CYP11A1: variants seen among roughly 807,000 people sequenced by gnomAD.
CYP11A1 encodes cholesterol side-chain cleavage enzyme, mitochondrial.
In CYP11A1, 25 loss-of-function variants were observed where a neutral mutation model predicts 51.9. The observed-to-expected ratio is 0.48, with a 90% CI of 0.35 to 0.67. The LOEUF is 0.67. CYP11A1 is among the 30% of genes least tolerant of loss of function. The pLI, the probability that CYP11A1 is intolerant of heterozygous loss-of-function variation, is 0.00. For missense variants in CYP11A1, 578 were observed against 680.9 expected (o/e 0.85, Z 1.68); for synonymous variants, 245 against 262.1 (o/e 0.93, Z 0.63).
intron 1 of CYP11A1, among the ~76,000 whole-genome samples, chr15:74,353,903 C>T (rs367767568): frequency 7.2e-5 from 11 of 152,256 alleles, no homozygotes; most frequent in African/African-American, 2.6e-4. Context: ...CTTTGTTGGG[C>T]CTGCAGGAAT....
chr15:74,349,059 C>T (rs1408750544), intron 1 of CYP11A1, among the ~76,000 whole-genome samples: 1 of 152,084 alleles, frequency 6.6e-6, no homozygotes, highest in Non-Finnish European at 1.5e-5. Flanking sequence ...GGTGTTCTTA[C>T]ATGAAGAGAT....
At position 74,339,574 on chromosome 15, in the gene CYP11A1, G is replaced by A. The variant is rs1403927711; in HGVS notation, c.1157+13C>T. ...ATTGGAGTTGGGGGCGGCATGGGTG[G>A]TTGTGGGCTTGCCTTAGTGTCTCCT... On this transcript the variant is annotated intron_variant, in intron 6 of 8. Coordinates refer to ENST00000268053, the MANE Select transcript of CYP11A1 (RefSeq NM_000781.3). 6.2e-7 allele frequency: 1 copy of A among 1,612,110 alleles called. No individual in the cohort carries two copies. Among genetic ancestry groups the A allele is most frequent in the Non-Finnish European group, 8.5e-7 (1 of 1,178,486 alleles).
intron 5 of CYP11A1, among the ~76,000 whole-genome samples, chr15:74,341,231 T>C (rs1049627870): frequency 2.6e-5 from 4 of 152,166 alleles, no homozygotes; most frequent in Non-Finnish European, 2.9e-5. Flanking sequence ...GCCTGCCATA[T>C]AGTATGTGCT....
At chr15:74,349,707 C>T (rs1252623577) in intron 1 of CYP11A1, among the ~76,000 whole-genome samples, 2 of 151,854 alleles carry the variant, frequency 1.3e-5, no homozygotes, top group Non-Finnish European at 2.9e-5. Context: ...GCAAAAAAGT[C>T]AAGAGTAGGT....
intron 5 of CYP11A1, 64 bp downstream of exon 5, chr15:74,342,912 GC>G (rs764326020): frequency 1.3e-6 from 2 of 1,541,340 alleles, no homozygotes; most frequent in Non-Finnish European, 1.8e-6. Flanking sequence ...ACAACGAGGG[GC>G]CTGGTGGGGA....
chr15:74,338,239 T>A, intron 8 of CYP11A1, 136 bp from the exon 9 acceptor site: 1 of 1,019,826 alleles, frequency 9.8e-7, no homozygotes, highest in Non-Finnish European at 1.5e-6. Flanking sequence ...GCTCCTGGTG[T>A]AACCCTGCAC....
At chr15:74,353,910 G>A (rs1317012249) in intron 1 of CYP11A1, among the ~76,000 whole-genome samples, 1 of 152,140 alleles carries the variant, frequency 6.6e-6, no homozygotes, top group African/African-American at 2.4e-5. Flanking sequence ...GGGCCTGCAG[G>A]AATTAATGGA....
chr15:74,345,318 GT>G lies in CYP11A1; in HGVS notation c.426-76del. 6.5e-7 allele frequency: 1 copy of G among 1,536,552 alleles called. No homozygotes were observed. Among genetic ancestry groups the G allele is most frequent in the Non-Finnish European group, 9.0e-7 (1 of 1,116,808 alleles). On this transcript the variant is annotated intron_variant, in intron 2 of 8. Coordinates refer to ENST00000268053, the MANE Select transcript of CYP11A1 (RefSeq NM_000781.3). The surrounding 1 kb of genome is among the most constrained non-coding windows in gnomAD (Gnocchi z 4.3). ...GGTGAACACAGAGGGGGCTGACTCA[GT>G]TTTCCCAGGAAGCTGAGTCACAGCT...
chr15:74,354,424 C>T (rs1567055800), intron 1 of CYP11A1: 1 of 151,944 alleles, frequency 6.6e-6, no homozygotes, highest in Non-Finnish European at 1.5e-5. Context: ...AGCCCCACCC[C>T]TATCTCCTTT....
At chr15:74,361,374 C>G (rs1379954756) in intron 1 of CYP11A1, 1 of 245,444 alleles carries the variant, frequency 4.1e-6, no homozygotes, top group Non-Finnish European at 8.0e-6. Flanking sequence ...ACAAAAATGA[C>G]CAAATTTTCT....
chr15:74,366,953 T>G (rs1445835527), intron 1 of CYP11A1: 14 of 278,918 alleles, frequency 5.0e-5, no homozygotes, highest in Non-Finnish European at 9.0e-5. Flanking sequence ...TGATCTCAAG[T>G]GATCCGCCCA....
intron 2 of CYP11A1, among the ~76,000 whole-genome samples, chr15:74,347,280 G>A (rs530994495): frequency 3.7e-4 from 56 of 152,214 alleles, no homozygotes; most frequent in African/African-American, 1.2e-3. Context: ...GTGGTGACAC[G>A]CACCTGTAAT....
chr15:74,342,683 C>T (rs2060612592), intron 5 of CYP11A1, among the ~76,000 whole-genome samples: 1 of 152,162 alleles, frequency 6.6e-6, no homozygotes, highest in Admixed American at 6.5e-5. Context: ...CCAGAGGGGA[C>T]CTCCTCCTGT....
chr15:74,350,013 C>G (rs372240942), intron 1 of CYP11A1, among the ~76,000 whole-genome samples: 1 of 152,042 alleles, frequency 6.6e-6, no homozygotes, highest in East Asian at 1.9e-4. Context: ...ATAAACGAAA[C>G]GAGATCTTTC....
chr15:74,340,104 T>A (rs1165346804), intron 5 of CYP11A1, among the ~76,000 whole-genome samples: 1 of 152,214 alleles, frequency 6.6e-6, no homozygotes, highest in Non-Finnish European at 1.5e-5. Flanking sequence ...GGCCAAATCC[T>A]TCTGTAATGA....
intron 1 of CYP11A1, among the ~76,000 whole-genome samples, chr15:74,360,237 T>C (rs1326704775): frequency 2.0e-5 from 3 of 152,148 alleles, no homozygotes; most frequent in African/African-American, 4.8e-5. Context: ...GTGCTGGAAG[T>C]AGTCAAACCT....
Position 74,350,493 on chromosome 15 carries a change from G to C in CYP11A1, c.270-2438C>G, listed in dbSNP as rs115712429. The stretch of plus-strand genomic sequence containing the variant: ...TCAGTTTCCCCATCTGTAAAGTGGG[G>C]AAATAATAACACCAACTACAGGGAT... On this transcript the variant is annotated intron_variant, in intron 1 of 8. Coordinates refer to ENST00000268053, the MANE Select transcript of CYP11A1 (RefSeq NM_000781.3). Among the ~76,000 whole-genome samples, 656 of 152,196 alleles carry C rather than the reference G, an allele frequency of 4.3e-3. 8 individuals carry two copies. The highest frequency in any genetic ancestry group is 0.015 in the African/African-American group (634 of 41,512).
intron 1 of CYP11A1, chr15:74,363,032 T>C (rs1203647326): frequency 2.6e-5 from 4 of 152,228 alleles, no homozygotes; most frequent in African/African-American, 9.6e-5. Context: ...TTCCATGGTT[T>C]AAAGTAAAAG....
At chr15:74,366,460 TTTTATTTATTTATTTATTTA>T (rs45509005) in intron 1 of CYP11A1, among the ~76,000 whole-genome samples, 1 of 137,690 alleles carries the variant, frequency 7.3e-6, no homozygotes, top group South Asian at 2.4e-4. Context: ...ATTTTTTTTA[TTTTATTTATTTATTTATTTA>T]TTTATTTATT....
Sources: gnomAD v4.1 joint callset for allele counts (sites outside exome capture counted in the v4.1 genomes callset) on GRCh38, gnomAD v4.1.1 for gene constraint, Gnocchi (gnomAD v3.1) non-coding constraint, MANE v1.5 for transcripts, NCBI Gene and HGNC (gene_info 2026-07-23, HGNC 2026-07-21) for gene names.